Variants in SETX observed in about 807,000 individuals in gnomAD.
SETX encodes the protein senataxin, also known as helicase senataxin.
In SETX, 90 loss-of-function variants were observed where a neutral mutation model predicts 227.2. The ratio of observed to expected loss-of-function variants is 0.40; its 90% CI spans 0.33 to 0.47. The LOEUF is 0.47. Among genes scored for constraint, SETX ranks in the 20% least tolerant of loss-of-function variants. The pLI is 0.91. For synonymous variants in SETX, 1,210 were observed against 1,113.2 expected (o/e 1.09, Z -1.73); for missense variants, 3,052 against 3,181.5 (o/e 0.96, Z 0.98).
chr9:132,300,284 G>A (rs1164308621), intron 12 of SETX, among the ~76,000 whole-genome samples: 1 of 152,270 alleles, frequency 6.6e-6, no homozygotes, highest in Non-Finnish European at 1.5e-5. Context: ...CTGCCTTACA[G>A]TGAGTTTTAT....
Position 132,326,246 on chromosome 9 carries a change from T to C in SETX, c.5274+78A>G, listed in dbSNP as rs762766417. The C allele has an allele frequency of 2.4e-4, 270 of 1,140,218 alleles. 3 individuals are homozygous for C. Among genetic ancestry groups the C allele is most frequent in the Middle Eastern group, 7.1e-4 (3 of 4,246 alleles). 70.6% of individuals were successfully genotyped at this position (1,140,218 alleles called of 1,614,324 possible). A position where few individuals can be genotyped will look rare whatever the true frequency, so the allele number is the denominator to read the frequency against. ...CACGCCTGGCTGATTTTTTGAACTA[T>C]ACTCTCATTTTCACTCAGCAAGGTA... On this transcript the variant is annotated intron_variant, in intron 10 of 25. Transcript: ENST00000224140.
chr9:132,285,411 A>T (rs991444843), intron 18 of SETX, among the ~76,000 whole-genome samples: 6 of 152,284 alleles, frequency 3.9e-5, no homozygotes, highest in African/African-American at 1.4e-4. Flanking sequence ...ACTTCCACAG[A>T]TGTTTGTAAT....
intron 21 of SETX, among the ~76,000 whole-genome samples, chr9:132,277,408 C>T (rs974849564): frequency 6.6e-6 from 1 of 152,054 alleles, no homozygotes; most frequent in Non-Finnish European, 1.5e-5. Flanking sequence ...GAGTAAGCCA[C>T]AGAATACTAT....
intron 5 of SETX, 38 bp downstream of exon 5, chr9:132,342,652 C>T (rs537769160): frequency 7.3e-7 from 1 of 1,364,652 alleles, no homozygotes; most frequent in East Asian, 2.3e-5. Flanking sequence ...GGTACAAAAG[C>T]ACAATATACC....
Position 132,300,734 on chromosome 9 carries a change from G to A in SETX, c.5444C>T (p.Pro1815Leu). 6.2e-7 allele frequency: 1 copy of A among 1,613,424 alleles called. No individual in the cohort carries two copies. Residue 1815 changes from proline to leucine, a missense_variant, in exon 12 of 26, where the codon CCT becomes CTT. Around this residue, in one of 10 missense-constraint regions of SETX, gnomAD observed 239 missense variants for 272.1 expected, o/e 0.88. Transcript: ENST00000224140. ...TTTCTTCTCTTCATTTATTCTCTCAGGAGCTAAAAACACCAAATCGTTTTC... is the reference window on the plus strand; with the variant it reads ...TTTCTTCTCTTCATTTATTCTCTCAAGAGCTAAAAACACCAAATCGTTTTC... ...PKENDLVFLA[P>L]ERINEEKKDT...
At chr9:132,353,398 C>T (rs1292819028) in intron 2 of SETX, among the ~76,000 whole-genome samples, 1 of 152,088 alleles carries the variant, frequency 6.6e-6, no homozygotes, top group Non-Finnish European at 1.5e-5. Flanking sequence ...TAGAAAAGAT[C>T]CTATGGATAA....
At chr9:132,308,396 A>G (rs576591029) in intron 11 of SETX, among the ~76,000 whole-genome samples, 37 of 138,320 alleles carry the variant, frequency 2.7e-4, no homozygotes, top group African/African-American at 1.1e-3. Flanking sequence ...AATCCAGACC[A>G]TGATTAACTC....
chr9:132,294,286 T>A (rs1423764955), intron 15 of SETX, among the ~76,000 whole-genome samples: 1 of 152,200 alleles, frequency 6.6e-6, no homozygotes, highest in African/African-American at 2.4e-5. Flanking sequence ...CATTTTCAAT[T>A]CTAGATATAC....
intron 17 of SETX, among the ~76,000 whole-genome samples, chr9:132,288,022 G>A (rs2131244543): frequency 6.6e-6 from 1 of 152,124 alleles, no homozygotes; most frequent in African/African-American, 2.4e-5. Flanking sequence ...TAAAAATACA[G>A]AAAATTAGCC....
chr9:132,318,317 T>C (rs1391710141), intron 10 of SETX, among the ~76,000 whole-genome samples: 4 of 152,230 alleles, frequency 2.6e-5, no homozygotes, highest in Non-Finnish European at 4.4e-5. Flanking sequence ...ACTATTCCAA[T>C]AATTTTGCTT....
intron 20 of SETX, among the ~76,000 whole-genome samples, chr9:132,278,640 A>T (rs1843321627): frequency 6.6e-6 from 1 of 151,996 alleles, no homozygotes. Flanking sequence ...TGAATCTTGA[A>T]TATATGTGGA....
rs1257007495 is a variant in SETX at position 132,262,943 on chromosome 9, A to G, written c.*1296T>C. ...TAGGATACTCCAGTTCACTGCGTGGATATTTGGAAAACTGGACAAAATCAG... is the reference window on the plus strand; with the variant it reads ...TAGGATACTCCAGTTCACTGCGTGGGTATTTGGAAAACTGGACAAAATCAG... On this transcript the variant is annotated 3_prime_UTR_variant, in exon 26 of 26. Coordinates refer to ENST00000224140, the MANE Select transcript of SETX (RefSeq NM_015046.7). 2 of 152,164 alleles carry G rather than the reference A, an allele frequency of 1.3e-5. No individual in the cohort carries two copies. The highest frequency in any genetic ancestry group is 6.5e-5 in the Admixed American group (1 of 15,274). 9.4% of individuals were successfully genotyped at this position (152,164 alleles called of 1,614,324 possible). A position where few individuals can be genotyped will look rare whatever the true frequency, so the allele number is the denominator to read the frequency against.
intron 15 of SETX, among the ~76,000 whole-genome samples, chr9:132,289,123 AGCCTTCTAATT>A (rs1413087001): frequency 2.0e-5 from 3 of 152,180 alleles, no homozygotes; most frequent in African/African-American, 7.2e-5. Context: ...TGAGGAGTAA[AGCCTTCTAATT>A]GCCATCATGT....
intron 17 of SETX, among the ~76,000 whole-genome samples, chr9:132,286,991 T>C (rs1308608913): frequency 6.6e-6 from 1 of 152,200 alleles, no homozygotes; most frequent in Non-Finnish European, 1.5e-5. Context: ...ATGCTGACAC[T>C]CACCTTTCTC....
At chr9:132,331,965 TA>T (rs1356842585) in intron 7 of SETX, among the ~76,000 whole-genome samples, 2 of 152,212 alleles carry the variant, frequency 1.3e-5, no homozygotes, top group African/African-American at 4.8e-5. Flanking sequence ...GCATCTAGTG[TA>T]AATGACTAAA....
intron 4 of SETX, 75 bp from the exon 5 acceptor site, chr9:132,342,874 C>T: frequency 9.2e-7 from 1 of 1,082,286 alleles, no homozygotes; most frequent in Non-Finnish European, 1.4e-6. Flanking sequence ...GCTCCTTGGG[C>T]TATTCTGTAA....
chr9:132,355,562 T>C (rs62576496), upstream of SETX, among the ~76,000 whole-genome samples: 121,581 of 151,890 alleles, frequency 0.8, 49,168 homozygotes, highest in Non-Finnish European at 0.86. Context: ...AATCCCTCGC[T>C]GGTGCGGTGG....
intron 5 of SETX, among the ~76,000 whole-genome samples, chr9:132,337,135 A>G (rs1847678579): frequency 2.0e-5 from 3 of 152,046 alleles, no homozygotes; most frequent in African/African-American, 7.2e-5. Context: ...ACATACTGAA[A>G]TATTTTGTGG....
chr9:132,317,870 A>G (rs1439686376), intron 10 of SETX, among the ~76,000 whole-genome samples: 1 of 152,174 alleles, frequency 6.6e-6, no homozygotes, highest in African/African-American at 2.4e-5. Flanking sequence ...AGGTCTCAAT[A>G]TAACTGCTTA....
Sources: gnomAD v4.1 joint callset for allele counts (sites outside exome capture counted in the v4.1 genomes callset) on GRCh38, gnomAD v4.1.1 for gene constraint, gnomAD v4.1.1 regional missense constraint, MANE v1.5 for transcripts, NCBI Gene and HGNC (gene_info 2026-07-23, HGNC 2026-07-21) for gene names.